CCDC141: variants seen among roughly 807,000 people sequenced by gnomAD.
CCDC141 encodes coiled-coil domain containing 141.
A neutral mutation model predicts 181.0 loss-of-function variants in CCDC141; 168 were observed. That is an observed-to-expected ratio of 0.93 (90% CI 0.82 to 1.05). The LOEUF is 1.05. CCDC141 is among the 50% of genes least tolerant of loss of function. The pLI, the probability that CCDC141 is intolerant of heterozygous loss-of-function variation, is 0.00. For synonymous variants in CCDC141, 666 were observed against 642.3 expected, an observed-to-expected ratio of 1.04 and a Z score of -0.56; for missense variants, 1,902 against 1,788.5, an observed-to-expected ratio of 1.06 and a Z score of -1.14.
intron 2 of CCDC141, among the ~76,000 whole-genome samples, chr2:179,021,943 T>C (rs1559054523): frequency 6.6e-6 from 1 of 152,190 alleles, no homozygotes; most frequent in Non-Finnish European, 1.5e-5. Context: ...TAATAAAAGA[T>C]AGTATTTTAA....
chr2:178,937,927 G>A (rs145163290), intron 6 of CCDC141, among the ~76,000 whole-genome samples: 4 of 152,050 alleles, frequency 2.6e-5, no homozygotes, highest in African/African-American at 9.6e-5. Flanking sequence ...TATTTCTAAT[G>A]ATGTTTATTT....
At chr2:178,983,399 T>G (rs1691542036) in intron 2 of CCDC141, among the ~76,000 whole-genome samples, 2 of 152,088 alleles carry the variant, frequency 1.3e-5, no homozygotes. Context: ...ACTCTAAAAA[T>G]CAGAGCACCT....
At chr2:179,044,502 T>C (rs1455348347) in intron 2 of CCDC141, among the ~76,000 whole-genome samples, 5 of 152,106 alleles carry the variant, frequency 3.3e-5, no homozygotes, top group African/African-American at 4.8e-5. Flanking sequence ...TTGCTGCACC[T>C]AAGAAGGCAT....
At chr2:178,929,697 CTT>C (rs1437136947) in intron 6 of CCDC141, among the ~76,000 whole-genome samples, 1 of 152,022 alleles carries the variant, frequency 6.6e-6, no homozygotes, top group Non-Finnish European at 1.5e-5. Context: ...TTTATTTTGA[CTT>C]ATATCTTCTG....
At chr2:178,884,853 A>G in intron 11 of CCDC141, 48 bp downstream of exon 11, 2 of 1,451,682 alleles carry the variant, frequency 1.4e-6, no homozygotes, top group Non-Finnish European at 1.9e-6. Context: ...AAGCAAGGAC[A>G]TGGGCAGTGG....
chr2:179,015,585 ATCTCATATG>A (rs1559050178), intron 2 of CCDC141, among the ~76,000 whole-genome samples: 11 of 93,596 alleles, frequency 1.2e-4, no homozygotes, highest in East Asian at 1.0e-3. Context: ...TCTCATATAT[ATCTCATATG>A]TATCTCATAT....
intron 2 of CCDC141, among the ~76,000 whole-genome samples, chr2:178,983,406 A>G (rs1486908112): frequency 2.6e-5 from 4 of 152,142 alleles, no homozygotes; most frequent in South Asian, 2.1e-4. Flanking sequence ...AAATCAGAGC[A>G]CCTCTCCTCC....
intron 17 of CCDC141, among the ~76,000 whole-genome samples, chr2:178,863,040 C>T (rs1685690387): frequency 6.6e-6 from 1 of 152,144 alleles, no homozygotes; most frequent in Non-Finnish European, 1.5e-5. Flanking sequence ...AGATATTTAA[C>T]ATCAGACCAT....
intron 4 of CCDC141, among the ~76,000 whole-genome samples, chr2:178,969,226 G>T (rs982887703): frequency 6.6e-6 from 1 of 151,250 alleles, no homozygotes; most frequent in Admixed American, 6.6e-5. Context: ...AATAGAAAAA[G>T]GGGGAACCCT....
At chr2:178,962,992 C>A (rs1690472766) in intron 4 of CCDC141, among the ~76,000 whole-genome samples, 1 of 152,178 alleles carries the variant, frequency 6.6e-6, no homozygotes, top group African/African-American at 2.4e-5. Context: ...ATCAAATACT[C>A]TCACACTTAA....
intron 7 of CCDC141, among the ~76,000 whole-genome samples, chr2:178,911,197 G>A (rs1688203372): frequency 6.6e-6 from 1 of 152,236 alleles, no homozygotes; most frequent in South Asian, 2.1e-4. Context: ...TGCTGGGAAT[G>A]TGAAAATGAA....
At chr2:178,815,198 T>C in the CCDC141 span, among the ~76,000 whole-genome samples, 2 of 152,204 alleles carry the variant, frequency 1.3e-5, no homozygotes, top group Admixed American at 6.5e-5. Context: ...CCATAACATA[T>C]ATCTTAAGGA....
intron 2 of CCDC141, among the ~76,000 whole-genome samples, chr2:179,042,380 G>A (rs1046639462): frequency 3.3e-5 from 5 of 152,068 alleles, no homozygotes; most frequent in Admixed American, 6.6e-5. Flanking sequence ...GTCTTGCTCC[G>A]TCTGTCGCCC....
chr2:179,013,633 C>A (rs1236918065), intron 2 of CCDC141, among the ~76,000 whole-genome samples: 2 of 151,982 alleles, frequency 1.3e-5, no homozygotes, highest in Admixed American at 6.6e-5. Context: ...TCACATGAAA[C>A]CAAAAAGGAG....
chr2:178,937,029 T>C (rs989192806), intron 6 of CCDC141, among the ~76,000 whole-genome samples: 1 of 152,174 alleles, frequency 6.6e-6, no homozygotes, highest in Admixed American at 6.5e-5. Context: ...AATCATGTCA[T>C]CTGCAAAAAG....
chr2:178,853,586 T>TA lies in CCDC141; in HGVS notation c.3098dup (p.Arg1034LysfsTer23). ...ACTCTGTGGAATATTTTCCAACTCT[T>TA]ACAACTGTGGCACTTGCATCTTCGT... On this transcript the variant is annotated frameshift_variant, in exon 20 of 24. Transcript: ENST00000443758. LOFTEE classifies it high-confidence loss of function. The TA allele has an allele frequency of 3.1e-6, 5 of 1,613,918 alleles. No individual in the cohort carries two copies. Among genetic ancestry groups the TA allele is most frequent in the Non-Finnish European group, 4.2e-6 (5 of 1,179,868 alleles).
At chr2:179,044,819 T>G (rs2043434368) in intron 2 of CCDC141, among the ~76,000 whole-genome samples, 1 of 152,134 alleles carries the variant, frequency 6.6e-6, no homozygotes, top group Middle Eastern at 3.2e-3. Context: ...TTCATGGAAT[T>G]GGGGATTCGT....
the CCDC141 span, among the ~76,000 whole-genome samples, chr2:178,822,053 T>G: frequency 6.6e-6 from 1 of 152,092 alleles, no homozygotes; most frequent in African/African-American, 2.4e-5. Flanking sequence ...GTGGCACATA[T>G]ACAACATGGA....
chr2:178,990,329 C>T (rs978586713), intron 2 of CCDC141, among the ~76,000 whole-genome samples: 1 of 151,634 alleles, frequency 6.6e-6, no homozygotes, highest in Admixed American at 6.6e-5. Context: ...AATTATGCTC[C>T]TAGGCATATA....
Sources: allele counts gnomAD v4.1 joint callset (sites outside exome capture counted in the v4.1 genomes callset), GRCh38; gene constraint gnomAD v4.1.1; transcripts MANE v1.5; gene names NCBI Gene and HGNC (gene_info 2026-07-23, HGNC 2026-07-21).